The following ADAM12 variants were observed in gnomAD, a reference collection of about 807,000 sequenced individuals.
ADAM12 encodes ADAM metallopeptidase domain 12.
Under a neutral mutation model 106.4 loss-of-function variants are expected in ADAM12, and 70 were observed. The observed-to-expected ratio is 0.66, with a 90% CI of 0.54 to 0.80. The LOEUF (loss-of-function observed/expected upper bound fraction) is 0.80, where lower values mean the gene tolerates loss of function less well. Among genes scored for constraint, ADAM12 ranks in the 30% least tolerant of loss-of-function variants. The pLI, the probability that ADAM12 is intolerant of heterozygous loss-of-function variation, is 0.00. For missense variants in ADAM12, 1,010 were observed against 1,171.9 expected (o/e 0.86, Z 2.02); for synonymous variants, 420 against 433.5 (o/e 0.97, Z 0.39).
In ADAM12 at chr10:126,363,889, T is replaced by A. The variant is rs149218237; in HGVS notation, c.88+24169A>T. Among the ~76,000 whole-genome samples, 411 of 152,244 alleles carry A rather than the reference T, an allele frequency of 2.7e-3. 3 individuals are homozygous for A. The highest frequency in any genetic ancestry group is 9.7e-3 in the African/African-American group (401 of 41,544). On this transcript the variant is annotated intron_variant, in intron 1 of 22. Transcript: ENST00000448723. ...AGACCACTTTCCTTCCTAATATAGA[T>A]GCAAACAATCTTAATTAGAACACTA...
chr10:126,275,715 A>G (rs1959224251), intron 3 of ADAM12, among the ~76,000 whole-genome samples: 1 of 152,194 alleles, frequency 6.6e-6, no homozygotes, highest in Non-Finnish European at 1.5e-5. Flanking sequence ...GAGGCCTCTC[A>G]AAATAACTTT....
intron 3 of ADAM12, among the ~76,000 whole-genome samples, chr10:126,202,829 G>A (rs11244883): frequency 0.065 from 9,964 of 152,176 alleles, 699 homozygotes; most frequent in East Asian, 0.37. Context: ...GCAGACGTAC[G>A]TGTCTCTGAA....
chr10:126,139,443 C>A (rs1234403166), intron 4 of ADAM12, among the ~76,000 whole-genome samples: 2 of 152,104 alleles, frequency 1.3e-5, no homozygotes, highest in African/African-American at 4.8e-5. Flanking sequence ...GCACTTTTGC[C>A]ACACCATCTT....
At chr10:126,038,573 AG>A (rs1231559876) in intron 19 of ADAM12, among the ~76,000 whole-genome samples, 1 of 152,260 alleles carries the variant, frequency 6.6e-6, no homozygotes, top group East Asian at 1.9e-4. Context: ...CACGCTCCAT[AG>A]AAATGCAGTG....
chr10:126,135,189 C>T (rs925262288), intron 5 of ADAM12, among the ~76,000 whole-genome samples: 3 of 152,164 alleles, frequency 2.0e-5, no homozygotes, highest in Non-Finnish European at 2.9e-5. Flanking sequence ...GAGAGGAGGC[C>T]CTTTAAGATT....
At chr10:126,196,687 C>T (rs929607364) in intron 3 of ADAM12, among the ~76,000 whole-genome samples, 2 of 152,128 alleles carry the variant, frequency 1.3e-5, no homozygotes, top group African/African-American at 2.4e-5. Context: ...ACATAATACA[C>T]GTGCTCAGAA....
chr10:126,104,169 G>T (rs995932445), intron 8 of ADAM12, among the ~76,000 whole-genome samples: 1 of 152,160 alleles, frequency 6.6e-6, no homozygotes, highest in African/African-American at 2.4e-5. Flanking sequence ...ATACACAGAG[G>T]CTGGACATGG....
chr10:126,063,408 CA>C (rs1221567751), intron 14 of ADAM12, among the ~76,000 whole-genome samples: 4 of 152,206 alleles, frequency 2.6e-5, no homozygotes, highest in Non-Finnish European at 2.9e-5. Context: ...GTGGCTTTTA[CA>C]TTCCATTGAA....
At chr10:126,115,168 A>G (rs1955957052) in intron 6 of ADAM12, among the ~76,000 whole-genome samples, 1 of 152,122 alleles carries the variant, frequency 6.6e-6, no homozygotes, top group Non-Finnish European at 1.5e-5. Flanking sequence ...TTTCTATTTG[A>G]CTCATAATTA....
intron 2 of ADAM12, among the ~76,000 whole-genome samples, chr10:126,303,913 C>G (rs1334488957): frequency 3.3e-5 from 5 of 152,296 alleles, no homozygotes; most frequent in East Asian, 1.9e-4. Flanking sequence ...TATTATTTGA[C>G]AGTAGACTAT....
intron 2 of ADAM12, among the ~76,000 whole-genome samples, chr10:126,322,432 G>T (rs1466324544): frequency 1.3e-5 from 2 of 152,140 alleles, no homozygotes; most frequent in Non-Finnish European, 2.9e-5. Flanking sequence ...ACACCCCAGG[G>T]GCCACGTGGC....
chr10:126,288,647 G>T (rs970543936), intron 2 of ADAM12, among the ~76,000 whole-genome samples: 1 of 151,862 alleles, frequency 6.6e-6, no homozygotes, highest in Non-Finnish European at 1.5e-5. Flanking sequence ...GGACCATGTG[G>T]TGACATGGTG....
chr10:126,263,111 G>T (rs575969324), intron 3 of ADAM12, among the ~76,000 whole-genome samples: 2 of 152,178 alleles, frequency 1.3e-5, no homozygotes, highest in Non-Finnish European at 2.9e-5. Context: ...CGTAGGAATT[G>T]TTTAATTTGT....
At chr10:126,238,411 G>A (rs970913213) in intron 3 of ADAM12, among the ~76,000 whole-genome samples, 4 of 152,232 alleles carry the variant, frequency 2.6e-5, no homozygotes, top group South Asian at 2.1e-4. Context: ...CCCAGGAGGC[G>A]GAGATTGCAG....
chr10:126,112,326 A>G (rs1045563836), intron 6 of ADAM12, among the ~76,000 whole-genome samples: 14 of 151,554 alleles, frequency 9.2e-5, no homozygotes, highest in Non-Finnish European at 2.1e-4. Flanking sequence ...CGTTTTGCAC[A>G]TGTATCCTGT....
At chr10:126,027,537 G>C (rs914559481) in intron 21 of ADAM12, among the ~76,000 whole-genome samples, 7 of 152,110 alleles carry the variant, frequency 4.6e-5, no homozygotes, top group Non-Finnish European at 1.0e-4. Flanking sequence ...AGTAGGCTTC[G>C]TCCCAAGATG....
chr10:126,086,680 A>AAATAT (rs1554966976), intron 11 of ADAM12, among the ~76,000 whole-genome samples: 1 of 24,274 alleles, frequency 4.1e-5, no homozygotes, highest in Admixed American at 7.9e-4. Flanking sequence ...AAAAAAAAAA[A>AAATAT]ATATATATAT....
chr10:126,293,502 A>AC (rs1960242096), intron 2 of ADAM12, among the ~76,000 whole-genome samples: 5 of 152,138 alleles, frequency 3.3e-5, no homozygotes, highest in Admixed American at 3.3e-4. Flanking sequence ...CAAGTGAATG[A>AC]GCACCCCATT....
intron 1 of ADAM12, among the ~76,000 whole-genome samples, chr10:126,375,831 G>C (rs574818821): frequency 6.7e-6 from 1 of 150,250 alleles, no homozygotes; most frequent in Non-Finnish European, 1.5e-5. Context: ...CAGCAGCCTC[G>C]ACCTCCTGGG....
Sources: allele counts gnomAD v4.1 joint callset (sites outside exome capture counted in the v4.1 genomes callset), GRCh38; gene constraint gnomAD v4.1.1; transcripts MANE v1.5; gene names NCBI Gene and HGNC (gene_info 2026-07-23, HGNC 2026-07-21).